CSMD1: variants seen among roughly 807,000 people sequenced by gnomAD.
The protein encoded by CSMD1 is CUB and sushi domain-containing protein 1.
CSMD1 carries 213 observed loss-of-function variants against 417.5 expected under a neutral mutation model. The observed-to-expected ratio is 0.51, with a 90% confidence interval of 0.46 to 0.57. CSMD1 has a LOEUF of 0.57. Among genes scored for constraint, CSMD1 ranks in the 20% least tolerant of loss-of-function variants. The pLI, the probability that CSMD1 is intolerant of heterozygous loss-of-function variation, is 0.00. For missense variants in CSMD1, 6,923 were observed against 4,529.7 expected, an observed-to-expected ratio of 1.53 and a Z score of -15.17; for synonymous variants, 2,862 against 1,736.8, an observed-to-expected ratio of 1.65 and a Z score of -16.11.
At chr8:4,624,598 C>G (rs1023547009) in intron 2 of CSMD1, among the ~76,000 whole-genome samples, 10 of 152,138 alleles carry the variant, frequency 6.6e-5, no homozygotes, top group Non-Finnish European at 1.5e-4. Flanking sequence ...AATGGAAGAT[C>G]CACGACATTG....
intron 20 of CSMD1, 86 bp from the exon 21 acceptor site, chr8:3,359,426 TAA>T (rs34858861): frequency 0.06 from 30,593 of 505,766 alleles, 101 homozygotes; most frequent in South Asian, 0.076. Flanking sequence ...GTGCTATTAC[TAA>T]AAAAAAAAAA....
intron 1 of CSMD1, among the ~76,000 whole-genome samples, chr8:4,689,589 C>G (rs149184804): frequency 6.6e-6 from 1 of 152,282 alleles, no homozygotes; most frequent in East Asian, 1.9e-4. Flanking sequence ...CTGAATAACA[C>G]AGTTCAGTAA....
intron 10 of CSMD1, among the ~76,000 whole-genome samples, chr8:3,560,603 T>C (rs1799427356): frequency 6.6e-6 from 1 of 152,102 alleles, no homozygotes; most frequent in South Asian, 2.1e-4. Flanking sequence ...ATGGAAAGGC[T>C]AGAGAAAAGG....
chr8:4,855,367 C>T (rs1801737413), intron 1 of CSMD1, among the ~76,000 whole-genome samples: 2 of 152,160 alleles, frequency 1.3e-5, no homozygotes, highest in African/African-American at 4.8e-5. Context: ...CTCTCCTCCT[C>T]CAAAGGAACG....
chr8:4,834,418 G>C (rs193273555), intron 1 of CSMD1, among the ~76,000 whole-genome samples: 2 of 152,000 alleles, frequency 1.3e-5, no homozygotes, highest in East Asian at 1.9e-4. Flanking sequence ...ACAATATTAT[G>C]AAAAAAAAGC....
chr8:4,908,730 T>TTTTCA (rs60867629), intron 1 of CSMD1, among the ~76,000 whole-genome samples: 149,270 of 152,150 alleles, frequency 0.98, 73,267 homozygotes, highest in East Asian at 1. Flanking sequence ...CACCATGTTA[T>TTTTCA]TTTCTAGTAA....
chr8:4,212,439 A>C (rs1247987269), intron 3 of CSMD1, among the ~76,000 whole-genome samples: 1 of 152,148 alleles, frequency 6.6e-6, no homozygotes, highest in Non-Finnish European at 1.5e-5. Flanking sequence ...GTAGTTCAGA[A>C]AATCATGAAA....
chr8:3,584,603 C>A (rs13281116), intron 9 of CSMD1, among the ~76,000 whole-genome samples: 51,157 of 151,794 alleles, frequency 0.34, 10,019 homozygotes, highest in Middle Eastern at 0.45. Context: ...GAGTCAGGGC[C>A]AAGAAAGGCA....
chr8:4,209,951 A>C lies in CSMD1; in HGVS notation c.416-177852T>G, dbSNP rs531742899. ...GTCTGGGTGTTGCTATGACAATGGT[A>C]AACTGGCATGGCACACTGGAGGAGG... On this transcript the variant is annotated intron_variant, in intron 3 of 69. Coordinates refer to ENST00000635120, the MANE Select transcript of CSMD1 (RefSeq NM_033225.6). 7.2e-5 allele frequency among the ~76,000 whole-genome samples: 11 copies of C among 152,312 alleles called. No individual in the cohort carries two copies. In the South Asian group the frequency reaches 2.3e-3, roughly 32 times the overall value.
intron 4 of CSMD1, among the ~76,000 whole-genome samples, chr8:4,009,344 G>T (rs1308798603): frequency 1.3e-5 from 2 of 152,018 alleles, no homozygotes; most frequent in South Asian, 4.1e-4. Context: ...TCTATCTTAC[G>T]GACATAATTT....
chr8:4,506,759 G>T (rs1656304019), intron 2 of CSMD1, among the ~76,000 whole-genome samples: 1 of 152,086 alleles, frequency 6.6e-6, no homozygotes, highest in Non-Finnish European at 1.5e-5. Context: ...GGTTAAATAA[G>T]CATAAATGCT....
chr8:3,250,906 G>A (rs577023431), intron 26 of CSMD1, among the ~76,000 whole-genome samples: 1 of 152,140 alleles, frequency 6.6e-6, no homozygotes, highest in Non-Finnish European at 1.5e-5. Flanking sequence ...TTGTTGATGG[G>A]GTTATTTGTT....
intron 12 of CSMD1, among the ~76,000 whole-genome samples, chr8:3,411,034 G>T (rs1452036611): frequency 1.3e-5 from 2 of 152,170 alleles, no homozygotes; most frequent in Admixed American, 1.3e-4. Context: ...GGACAAATGG[G>T]CAGAGGTGGT....
chr8:2,944,820 G>A (rs189227672), intron 68 of CSMD1, among the ~76,000 whole-genome samples: 166 of 149,732 alleles, frequency 1.1e-3, no homozygotes, highest in African/African-American at 3.5e-3. Context: ...TTATAAATGT[G>A]TATTCTACTT....
intron 3 of CSMD1, among the ~76,000 whole-genome samples, chr8:4,185,682 A>C (rs1469331502): frequency 1.3e-5 from 2 of 152,226 alleles, no homozygotes; most frequent in African/African-American, 2.4e-5. Context: ...TGCCCAATGA[A>C]TGTCTAGTTT....
intron 22 of CSMD1, among the ~76,000 whole-genome samples, chr8:3,344,904 G>C (rs774791788): frequency 2.6e-5 from 4 of 152,148 alleles, no homozygotes; most frequent in Admixed American, 1.3e-4. Flanking sequence ...CTTACTAAAA[G>C]ACTATTGACC....
chr8:4,562,807 A>G (rs1001519530), intron 2 of CSMD1, among the ~76,000 whole-genome samples: 1 of 152,162 alleles, frequency 6.6e-6, no homozygotes, highest in Admixed American at 6.5e-5. Flanking sequence ...AAATAAATAC[A>G]GCAGATCATT....
At chr8:4,919,425 A>G (rs959242680) in intron 1 of CSMD1, among the ~76,000 whole-genome samples, 1 of 152,184 alleles carries the variant, frequency 6.6e-6, no homozygotes, top group African/African-American at 2.4e-5. Flanking sequence ...TTTCCAATAT[A>G]ATAACAAAAA....
intron 3 of CSMD1, among the ~76,000 whole-genome samples, chr8:4,341,086 G>A (rs967123712): frequency 1.3e-5 from 2 of 152,042 alleles, no homozygotes; most frequent in Non-Finnish European, 2.9e-5. Flanking sequence ...AAAGAATAGT[G>A]AGAGAATAGA....
Sources: gnomAD v4.1 joint callset for allele counts (sites outside exome capture counted in the v4.1 genomes callset) on GRCh38, gnomAD v4.1.1 for gene constraint, MANE v1.5 for transcripts, NCBI Gene and HGNC (gene_info 2026-07-23, HGNC 2026-07-21) for gene names.